Variants in EVI5 observed in about 807,000 individuals in gnomAD.
EVI5 encodes ecotropic viral integration site 5, also known as ecotropic viral integration site 5 protein homolog.
EVI5 carries 73 observed loss-of-function variants against 112.0 expected under a neutral mutation model. The observed-to-expected ratio is 0.65, with a 90% CI of 0.54 to 0.79. The LOEUF (loss-of-function observed/expected upper bound fraction) is 0.79. EVI5 is among the 30% of genes least tolerant of loss of function. The pLI is 0.00. For missense variants in EVI5, 900 were observed against 968.8 expected, an observed-to-expected ratio of 0.93 and a Z score of 0.94; for synonymous variants, 305 against 319.9, an observed-to-expected ratio of 0.95 and a Z score of 0.50.
chr1:92,738,994 G>A (rs574773919), intron 1 of EVI5, among the ~76,000 whole-genome samples: 11 of 152,026 alleles, frequency 7.2e-5, no homozygotes, highest in South Asian at 2.1e-4. Flanking sequence ...CATACTGGCC[G>A]GGCACGGTGG....
chr1:92,661,265 T>TAATTAA (rs1002922936), intron 13 of EVI5, among the ~76,000 whole-genome samples: 1 of 152,122 alleles, frequency 6.6e-6, no homozygotes, highest in Non-Finnish European at 1.5e-5. Flanking sequence ...TGGAAGGCTA[T>TAATTAA]AATTAAAACA....
At chr1:92,744,490 C>CGATAAATG (rs1678940852) in intron 1 of EVI5, among the ~76,000 whole-genome samples, 1 of 152,006 alleles carries the variant, frequency 6.6e-6, no homozygotes, top group African/African-American at 2.4e-5. Context: ...TCTTTGAGAA[C>CGATAAATG]GGACCCATTT....
chr1:92,707,631 T>G (rs1672220694), intron 2 of EVI5, among the ~76,000 whole-genome samples: 1 of 152,202 alleles, frequency 6.6e-6, no homozygotes, highest in Non-Finnish European at 1.5e-5. Flanking sequence ...GCTACAATTC[T>G]AAAGACTGAC....
chr1:92,566,004 T>C (rs999229677), intron 18 of EVI5, among the ~76,000 whole-genome samples: 24 of 131,876 alleles, frequency 1.8e-4, no homozygotes, highest in Non-Finnish European at 3.4e-4. Flanking sequence ...AGCACTCCTA[T>C]AGGGTCAAGC....
At chr1:92,545,226 T>A (rs1284449294) in intron 19 of EVI5, among the ~76,000 whole-genome samples, 1 of 152,150 alleles carries the variant, frequency 6.6e-6, no homozygotes, top group Non-Finnish European at 1.5e-5. Context: ...TGTTTATTTT[T>A]AAAAATAACA....
chr1:92,719,328 C>T (rs564479795), intron 2 of EVI5, among the ~76,000 whole-genome samples: 1 of 152,132 alleles, frequency 6.6e-6, no homozygotes, highest in African/African-American at 2.4e-5. Context: ...TCCAGCAGCA[C>T]ATCAAAAAGC....
In EVI5 at chr1:92,509,070, G is replaced by A. The variant is rs201491423; in HGVS notation, c.*4586C>T. 2.0e-5 allele frequency: 3 copies of A among 152,096 alleles called. No individual in the cohort carries two copies. The highest frequency in any genetic ancestry group is 2.1e-4 in the South Asian group (1 of 4,810). The allele number at this position is 152,096 out of a possible 1,614,324, so 9.4% of individuals were successfully genotyped here. ...AAATAACTGATTTCATGAAATGTTC[G>A]CTGTCAATGTCTGGTATGTTAATAT... On this transcript the variant is annotated 3_prime_UTR_variant, in exon 20 of 20. Coordinates refer to ENST00000684568, the MANE Select transcript of EVI5 (RefSeq NM_001350197.2).
At chr1:92,673,300 T>C (rs891866236) in intron 10 of EVI5, among the ~76,000 whole-genome samples, 1 of 149,008 alleles carries the variant, frequency 6.7e-6, no homozygotes, top group African/African-American at 2.5e-5. Context: ...CAGGAAAAAA[T>C]ACTTTACTTT....
intron 19 of EVI5, among the ~76,000 whole-genome samples, chr1:92,557,043 T>C (rs1252295593): frequency 6.6e-6 from 1 of 152,174 alleles, no homozygotes; most frequent in Non-Finnish European, 1.5e-5. Context: ...TTTACTCAAA[T>C]TCCTAATCAC....
chr1:92,702,192 C>A lies in EVI5; in HGVS notation c.588G>T (p.Glu196Asp). 1 of 1,510,930 alleles carries A rather than the reference C, an allele frequency of 6.6e-7. No homozygotes were observed. The highest frequency in any genetic ancestry group is 8.8e-7 in the Non-Finnish European group (1 of 1,134,592). The allele number at this position is 1,510,930 out of a possible 1,614,324, so 93.6% of individuals were successfully genotyped here. A position where few individuals can be genotyped will look rare whatever the true frequency, so the allele number is the denominator to read the frequency against. The change falls in exon 5 of 20, where the codon GAG becomes GAT. Residue 196 changes from glutamate to aspartate, a missense_variant. By Grantham distance (45) the Glu-to-Asp change is conservative. Coordinates refer to ENST00000684568, the MANE Select transcript of EVI5 (RefSeq NM_001350197.2). ...AAGCACTTCCTTGACAGTAACCAAC[C>A]TCACGATCTACTAAAGAGTAAGCCT... ...VMKAYSLVDR[E>D]VGYCQGSAFI...
At chr1:92,753,435 T>C (rs564974270) in intron 1 of EVI5, among the ~76,000 whole-genome samples, 1 of 152,350 alleles carries the variant, frequency 6.6e-6, no homozygotes, top group African/African-American at 2.4e-5. Context: ...CTAGTAGCTA[T>C]ATTCTAAAAA....
intron 16 of EVI5, among the ~76,000 whole-genome samples, chr1:92,619,913 G>A (rs1048120182): frequency 6.6e-6 from 1 of 152,078 alleles, no homozygotes; most frequent in Non-Finnish European, 1.5e-5. Flanking sequence ...TTAGTCAATG[G>A]AAACTGAAAA....
intron 18 of EVI5, among the ~76,000 whole-genome samples, chr1:92,598,672 TA>T (rs751716682): frequency 2.4e-4 from 36 of 152,340 alleles, no homozygotes; most frequent in Admixed American, 1.2e-3. Flanking sequence ...TTACAGGTTG[TA>T]TAATCTGTTC....
At chr1:92,653,540 T>TC (rs1372227387) in intron 13 of EVI5, among the ~76,000 whole-genome samples, 5 of 152,158 alleles carry the variant, frequency 3.3e-5, no homozygotes, top group African/African-American at 1.2e-4. Context: ...TGGGGACTCC[T>TC]CCTCAACCCC....
At chr1:92,756,998 A>T (rs1681057782) in intron 1 of EVI5, 1 of 205,774 alleles carries the variant, frequency 4.9e-6, no homozygotes, top group Non-Finnish European at 1.0e-5. Context: ...CTGCTCTGTG[A>T]CTTGAAGCTC....
chr1:92,693,885 G>C lies in EVI5; in HGVS notation c.1014C>G (p.Val338=), dbSNP rs754463258. The stretch of plus-strand genomic sequence containing the variant: ...GGACACCATCAAACTGATGTGGAAT[G>C]ACCTTTTGAAAGTGCTAAGATACAA... ...MEGMLQHFQK[V]IPHQFDGVPD... is the part of the protein sequence containing the mutation. Residue 338 remains valine, a synonymous_variant, in exon 9 of 20, where the codon GTC becomes GTG. Transcript: ENST00000684568. 1.1e-5 allele frequency: 17 copies of C among 1,591,522 alleles called. No individual in the cohort carries two copies. Among genetic ancestry groups the C allele is most frequent in the Non-Finnish European group, 1.3e-5 (15 of 1,161,174 alleles).
intron 18 of EVI5, among the ~76,000 whole-genome samples, chr1:92,600,103 T>C (rs1160588321): frequency 1.3e-5 from 2 of 152,088 alleles, no homozygotes; most frequent in Non-Finnish European, 2.9e-5. Context: ...CTCAAAAAAG[T>C]TTGAAAAATG....
At chr1:92,551,007 C>CACT (rs1173940344) in intron 19 of EVI5, among the ~76,000 whole-genome samples, 1 of 141,212 alleles carries the variant, frequency 7.1e-6, no homozygotes, top group Non-Finnish European at 1.5e-5. Flanking sequence ...AGATAAATTG[C>CACT]ACTAATTTCT....
chr1:92,675,468 T>A (rs764538504), intron 10 of EVI5, among the ~76,000 whole-genome samples: 3 of 152,232 alleles, frequency 2.0e-5, no homozygotes, highest in Non-Finnish European at 4.4e-5. Flanking sequence ...AGAGTAAGGA[T>A]TGTTCATAGA....
Sources: gnomAD v4.1 joint callset for allele counts (sites outside exome capture counted in the v4.1 genomes callset) on GRCh38, gnomAD v4.1.1 for gene constraint, MANE v1.5 for transcripts, NCBI Gene and HGNC (gene_info 2026-07-23, HGNC 2026-07-21) for gene names.